The following PALM2AKAP2 variants were observed in gnomAD, a reference collection of about 807,000 sequenced individuals.
PALM2AKAP2 encodes the protein PALM2-AKAP2 fusion protein.
In PALM2AKAP2, 37 loss-of-function variants were observed where a neutral mutation model predicts 71.5. That is an observed-to-expected ratio of 0.52 (90% confidence interval 0.40 to 0.68). PALM2AKAP2 has a LOEUF of 0.68. Among genes scored for constraint, PALM2AKAP2 ranks in the 30% least tolerant of loss-of-function variants. The pLI is 0.00. For synonymous variants in PALM2AKAP2, 468 were observed against 478.8 expected (o/e 0.98, Z 0.29); for missense variants, 1,224 against 1,191.8 (o/e 1.03, Z -0.40).
At chr9:109,941,987 G>A (rs1381430389) in intron 6 of PALM2AKAP2, among the ~76,000 whole-genome samples, 1 of 152,192 alleles carries the variant, frequency 6.6e-6, no homozygotes. Flanking sequence ...GCAGGACTTG[G>A]CACTCTGTGC....
intron 1 of PALM2AKAP2, among the ~76,000 whole-genome samples, chr9:109,813,122 G>A (rs954829212): frequency 2.0e-5 from 3 of 152,208 alleles, no homozygotes; most frequent in Non-Finnish European, 4.4e-5. Context: ...CATTTCCAGA[G>A]CAGATCAGAT....
At chr9:109,797,503 T>C (rs1213527326) in intron 1 of PALM2AKAP2, among the ~76,000 whole-genome samples, 1 of 152,186 alleles carries the variant, frequency 6.6e-6, no homozygotes, top group Non-Finnish European at 1.5e-5. Context: ...ATCCTGGAAG[T>C]CTACAGAGTT....
chr9:109,765,224 G>C (rs1829129654), intron 1 of PALM2AKAP2, among the ~76,000 whole-genome samples: 1 of 152,190 alleles, frequency 6.6e-6, no homozygotes, highest in Non-Finnish European at 1.5e-5. Context: ...TCTGAGGCAG[G>C]CTCAGTGATT....
At chr9:109,815,339 T>C (rs925991610) in intron 1 of PALM2AKAP2, among the ~76,000 whole-genome samples, 3 of 152,180 alleles carry the variant, frequency 2.0e-5, no homozygotes, top group African/African-American at 4.8e-5. Context: ...AGATGCCTGA[T>C]AGGAAATAAC....
At chr9:109,689,744 C>T (rs1354949133) in intron 1 of PALM2AKAP2, among the ~76,000 whole-genome samples, 1 of 152,210 alleles carries the variant, frequency 6.6e-6, no homozygotes, top group Non-Finnish European at 1.5e-5. Context: ...GAGGACCTAC[C>T]TTTCCAGTCT....
chr9:110,127,580 T>G (rs888763428), intron 1 of PALM2AKAP2: 16 of 152,282 alleles, frequency 1.1e-4, no homozygotes, highest in African/African-American at 3.4e-4. Flanking sequence ...TAGGCTCGGC[T>G]TAGAGGCCCA....
At chr9:110,155,756 T>G (rs1414378767) in intron 2 of PALM2AKAP2, among the ~76,000 whole-genome samples, 1 of 152,192 alleles carries the variant, frequency 6.6e-6, no homozygotes, top group Non-Finnish European at 1.5e-5. Context: ...AACTTCATCC[T>G]TATTCAAAGG....
At chr9:110,050,966 A>G (rs1331053223) in intron 1 of PALM2AKAP2, among the ~76,000 whole-genome samples, 1 of 152,098 alleles carries the variant, frequency 6.6e-6, no homozygotes, top group Non-Finnish European at 1.5e-5. Context: ...CTTTGAGTGG[A>G]GGCACACCAA....
intron 1 of PALM2AKAP2, among the ~76,000 whole-genome samples, chr9:109,723,716 G>A (rs186738391): frequency 6.6e-6 from 1 of 152,200 alleles, no homozygotes. Context: ...TATGGCTGAA[G>A]TACACAGCAC....
intron 1 of PALM2AKAP2, among the ~76,000 whole-genome samples, chr9:110,080,632 T>C (rs1834430051): frequency 6.6e-6 from 1 of 152,206 alleles, no homozygotes; most frequent in African/African-American, 2.4e-5. Context: ...CTGTGCCCAT[T>C]GTTAACTTAG....
At chr9:109,788,266 A>G (rs1353426358) in intron 1 of PALM2AKAP2, among the ~76,000 whole-genome samples, 1 of 152,208 alleles carries the variant, frequency 6.6e-6, no homozygotes, top group Non-Finnish European at 1.5e-5. Context: ...TATGAAGCCC[A>G]AGCCTAACTC....
Position 109,820,647 on chromosome 9 carries a change from C to T in PALM2AKAP2, c.45+40114C>T, listed in dbSNP as rs190039012. Reference sequence around the variant, plus strand: ...CTGGTGATGTTAGCTGCTTCCTTGGCGTCTGAGTTCTGGCTTGTGAGCAGA... The same window carrying T: ...CTGGTGATGTTAGCTGCTTCCTTGGTGTCTGAGTTCTGGCTTGTGAGCAGA... On this transcript the variant is annotated intron_variant, in intron 1 of 9. Coordinates refer to the PALM2AKAP2 transcript ENST00000302798. Among the ~76,000 whole-genome samples the T allele has an allele frequency of 1.1e-4, 16 of 152,346 alleles. No homozygotes were observed. In the East Asian group the frequency reaches 2.3e-3, roughly 22 times the overall value.
At chr9:109,787,098 G>A (rs1293910875) in intron 1 of PALM2AKAP2, among the ~76,000 whole-genome samples, 2 of 151,948 alleles carry the variant, frequency 1.3e-5, no homozygotes, top group East Asian at 3.9e-4. Flanking sequence ...TGTCATTGTG[G>A]TGGGGTAGTT....
At chr9:109,697,306 C>T (rs573178758) in intron 1 of PALM2AKAP2, among the ~76,000 whole-genome samples, 13 of 152,140 alleles carry the variant, frequency 8.5e-5, no homozygotes, top group Non-Finnish European at 1.8e-4. Context: ...TGGCAATTTA[C>T]AAATATAGTT....
intron 6 of PALM2AKAP2, among the ~76,000 whole-genome samples, chr9:109,990,106 C>G (rs1407340495): frequency 7.1e-6 from 1 of 140,308 alleles, no homozygotes; most frequent in African/African-American, 2.7e-5. Context: ...GGGTCTCACT[C>G]TGTCACCCAG....
intron 1 of PALM2AKAP2, among the ~76,000 whole-genome samples, chr9:109,759,788 G>A (rs10114426): frequency 0.019 from 2,845 of 152,178 alleles, 86 homozygotes; most frequent in African/African-American, 0.064. Flanking sequence ...AGTTAGTTAT[G>A]TACATGAGTA....
intron 3 of PALM2AKAP2, among the ~76,000 whole-genome samples, chr9:110,156,869 T>C (rs1037211025): frequency 6.6e-6 from 1 of 152,184 alleles, no homozygotes; most frequent in Non-Finnish European, 1.5e-5. Context: ...CATTGCCCAG[T>C]AGAGATTTTA....
intron 1 of PALM2AKAP2, among the ~76,000 whole-genome samples, chr9:109,834,138 G>A (rs1828387021): frequency 6.6e-6 from 1 of 152,222 alleles, no homozygotes; most frequent in African/African-American, 2.4e-5. Flanking sequence ...GCTTGAACCT[G>A]GGAGGTGGAT....
chr9:110,053,410 C>G (rs1335900404), intron 1 of PALM2AKAP2, among the ~76,000 whole-genome samples: 1 of 151,374 alleles, frequency 6.6e-6, no homozygotes, highest in African/African-American at 2.4e-5. Context: ...TGCCTGTAAT[C>G]CCAGCTACTC....
Sources: gnomAD v4.1 joint callset for allele counts (sites outside exome capture counted in the v4.1 genomes callset) on GRCh38, gnomAD v4.1.1 for gene constraint, MANE v1.5 for transcripts, NCBI Gene and HGNC (gene_info 2026-07-23, HGNC 2026-07-21) for gene names.